Variants in SLCO1A2 observed in about 807,000 individuals in gnomAD.
SLCO1A2 encodes OATP-1.
SLCO1A2 carries 67 observed loss-of-function variants against 69.0 expected under a neutral mutation model. The ratio of observed to expected loss-of-function variants is 0.97; its 90% CI spans 0.80 to 1.19. The LOEUF is 1.19. Ranked by LOEUF, SLCO1A2 falls within the 50% of genes most tolerant of loss-of-function variation. SLCO1A2 has a pLI of 0.00. For missense variants in SLCO1A2, 787 were observed against 793.7 expected, an observed-to-expected ratio of 0.99 and a Z score of 0.10; for synonymous variants, 260 against 265.9, an observed-to-expected ratio of 0.98 and a Z score of 0.22.
At chr12:21,400,940 G>T (rs1941679109) in intron 1 of SLCO1A2, among the ~76,000 whole-genome samples, 1 of 149,444 alleles carries the variant, frequency 6.7e-6, no homozygotes, top group Non-Finnish European at 1.5e-5. Context: ...TGACAAGTTA[G>T]TGGGTGCAGC....
At chr12:21,390,895 C>G (rs1434205030) in intron 1 of SLCO1A2, among the ~76,000 whole-genome samples, 6 of 152,178 alleles carry the variant, frequency 3.9e-5, no homozygotes, top group Non-Finnish European at 8.8e-5. Flanking sequence ...GACAAATTCA[C>G]TGAAAAGTTG....
intron 2 of SLCO1A2, among the ~76,000 whole-genome samples, chr12:21,361,366 C>A (rs189503288): frequency 1.7e-4 from 26 of 152,280 alleles, no homozygotes; most frequent in Admixed American, 1.6e-3. Context: ...AGGACATCCA[C>A]ACCAAAACCC....
chr12:21,292,101 T>G (rs1039321022), intron 12 of SLCO1A2, 63 bp downstream of exon 12: 1 of 1,237,324 alleles, frequency 8.1e-7, no homozygotes. Context: ...AGTGACTTTC[T>G]TAGAACAAGC....
At chr12:21,375,736 G>T (rs1024730279) in intron 1 of SLCO1A2, among the ~76,000 whole-genome samples, 1 of 152,192 alleles carries the variant, frequency 6.6e-6, no homozygotes, top group Non-Finnish European at 1.5e-5. Context: ...GAAAACTCTG[G>T]AGAGACAATT....
chr12:21,315,332 G>A (rs568468794), intron 3 of SLCO1A2, among the ~76,000 whole-genome samples: 49 of 152,222 alleles, frequency 3.2e-4, no homozygotes, highest in Non-Finnish European at 5.7e-4. Context: ...AAATGTATCC[G>A]CATGTCTTAG....
intron 2 of SLCO1A2, 42 bp downstream of exon 2, chr12:21,334,546 C>T (rs773370003): frequency 1.7e-5 from 25 of 1,437,078 alleles, no homozygotes; most frequent in Non-Finnish European, 2.2e-5. Flanking sequence ...ATTTTAAAAA[C>T]TAGTGTACAT....
At chr12:21,299,949 T>TATATGTGTGTGTGTAC in intron 8 of SLCO1A2, among the ~76,000 whole-genome samples, 1 of 148,936 alleles carries the variant, frequency 6.7e-6, no homozygotes, top group Non-Finnish European at 1.5e-5. Context: ...CTCTCTCTCA[T>TATATGTGTGTGTGTAC]ATATATATGT....
chr12:21,348,601 A>C (rs959755660), intron 2 of SLCO1A2, among the ~76,000 whole-genome samples: 5 of 152,034 alleles, frequency 3.3e-5, no homozygotes, highest in African/African-American at 4.8e-5. Flanking sequence ...TCCCTTTTTT[A>C]AAAAGGGTTC....
intron 2 of SLCO1A2, among the ~76,000 whole-genome samples, chr12:21,358,656 A>G (rs1434017226): frequency 6.6e-6 from 1 of 151,996 alleles, no homozygotes; most frequent in Non-Finnish European, 1.5e-5. Flanking sequence ...ATTTTTTATA[A>G]TTAAAAATTA....
chr12:21,300,218 C>G, intron 8 of SLCO1A2, 130 bp downstream of exon 8: 1 of 581,726 alleles, frequency 1.7e-6, no homozygotes, highest in Middle Eastern at 4.8e-4. Context: ...GTTAGGTATT[C>G]TTGACTGGTG....
chr12:21,274,393 A>AAGTT (rs968958416), intron 14 of SLCO1A2, 76 bp downstream of exon 14: 5 of 896,216 alleles, frequency 5.6e-6, no homozygotes, highest in African/African-American at 5.0e-5. Context: ...GACAAAGAAA[A>AAGTT]AGTTACGTGT....
intron 2 of SLCO1A2, chr12:21,373,233 G>T (rs543728957): frequency 2.6e-6 from 2 of 757,352 alleles, no homozygotes; most frequent in East Asian, 5.3e-5. Flanking sequence ...TGTAAATTAC[G>T]TTTTAAAAAG....
intron 2 of SLCO1A2, among the ~76,000 whole-genome samples, chr12:21,355,281 A>G (rs530709501): frequency 1.3e-5 from 2 of 152,228 alleles, no homozygotes; most frequent in South Asian, 4.1e-4. Flanking sequence ...ACACATCACT[A>G]TTTCCTGAAG....
chr12:21,366,559 A>C (rs1185910303), intron 2 of SLCO1A2, among the ~76,000 whole-genome samples: 1 of 152,130 alleles, frequency 6.6e-6, no homozygotes, highest in African/African-American at 2.4e-5. Flanking sequence ...AAATAAAAAT[A>C]AAAAAGAAAT....
At chr12:21,396,166 G>T (rs956752229), upstream of SLCO1A2, among the ~76,000 whole-genome samples, 1 of 150,678 alleles carries the variant, frequency 6.6e-6, no homozygotes, top group African/African-American at 2.4e-5. Context: ...CCAATACAGA[G>T]AAGTGCTTAA....
At chr12:21,358,856 G>C (rs1016960325) in intron 2 of SLCO1A2, among the ~76,000 whole-genome samples, 6 of 152,042 alleles carry the variant, frequency 3.9e-5, no homozygotes, top group African/African-American at 4.8e-5. Flanking sequence ...GAATAAACAT[G>C]TAATCTATAC....
chr12:21,267,489 C>G lies in SLCO1A2; in HGVS notation c.*2059G>C, dbSNP rs540864251. On this transcript the variant is annotated 3_prime_UTR_variant, in exon 15 of 15. Coordinates refer to ENST00000683939, the MANE Select transcript of SLCO1A2 (RefSeq NM_001386879.1). Reference sequence around the variant, plus strand: ...ATTTTGACACTCACTGTTTCACCAACACTATCTGCCTTGAATCCGTAAGAA... The same window carrying G: ...ATTTTGACACTCACTGTTTCACCAAGACTATCTGCCTTGAATCCGTAAGAA... 13 of 152,316 alleles carry G rather than the reference C, an allele frequency of 8.5e-5. No homozygotes were observed. The highest frequency in any genetic ancestry group is 2.9e-4 in the African/African-American group (12 of 41,564). 9.4% of individuals were successfully genotyped at this position (152,316 alleles called of 1,614,324 possible).
At chr12:21,390,777 A>G (rs1941112363) in intron 1 of SLCO1A2, among the ~76,000 whole-genome samples, 2 of 152,182 alleles carry the variant, frequency 1.3e-5, no homozygotes, top group Non-Finnish European at 2.9e-5. Context: ...AATCCTAAAA[A>G]GATTAGATAT....
chr12:21,300,634 T>G, intron 7 of SLCO1A2, 65 bp from the exon 8 acceptor site: 1 of 1,253,422 alleles, frequency 8.0e-7, no homozygotes, highest in South Asian at 1.8e-5. Context: ...CTATAGAAAA[T>G]TATTAAAATT....
Sources: allele counts gnomAD v4.1 joint callset (sites outside exome capture counted in the v4.1 genomes callset), GRCh38; gene constraint gnomAD v4.1.1; transcripts MANE v1.5; gene names NCBI Gene and HGNC (gene_info 2026-07-23, HGNC 2026-07-21).